The following RALYL variants were observed in gnomAD, a reference collection of about 807,000 sequenced individuals.
RALYL encodes RNA-binding Raly-like protein.
A neutral mutation model predicts 35.1 loss-of-function variants in RALYL; 29 were observed. The ratio of observed to expected loss-of-function variants is 0.83; its 90% CI spans 0.61 to 1.13. The LOEUF (loss-of-function observed/expected upper bound fraction) is 1.13, where lower values mean the gene tolerates loss of function less well. Among genes scored for constraint, RALYL ranks in the 50% most tolerant of loss-of-function variants. The pLI is 0.00. For missense variants in RALYL, 359 were observed against 360.4 expected, an observed-to-expected ratio of 1.00 and a Z score of 0.03; for synonymous variants, 120 against 127.6, an observed-to-expected ratio of 0.94 and a Z score of 0.40.
At chr8:84,721,743 T>C (rs1843954171) in intron 2 of RALYL, among the ~76,000 whole-genome samples, 1 of 152,146 alleles carries the variant, frequency 6.6e-6, no homozygotes, top group South Asian at 2.1e-4. Flanking sequence ...GTCCAGGACA[T>C]ACTGGCTGAA....
intron 2 of RALYL, 118 bp from the exon 3 acceptor site, chr8:84,774,461 A>G: frequency 3.0e-6 from 2 of 676,270 alleles, no homozygotes; most frequent in Non-Finnish European, 5.1e-6. Flanking sequence ...TGAATGAATC[A>G]ATGGTGTACA....
chr8:84,892,467 G>T (rs537116708), intron 8 of RALYL, among the ~76,000 whole-genome samples: 221 of 151,930 alleles, frequency 1.5e-3, no homozygotes, highest in African/African-American at 5.0e-3. Flanking sequence ...AAAATTAGCC[G>T]GGCATGGTAG....
intron 1 of RALYL, among the ~76,000 whole-genome samples, chr8:84,258,495 G>T (rs1252927100): frequency 1.3e-5 from 2 of 151,906 alleles, no homozygotes; most frequent in African/African-American, 4.8e-5. Flanking sequence ...TTTCTCACAA[G>T]TGGCTTCTAC....
intron 2 of RALYL, among the ~76,000 whole-genome samples, chr8:84,556,801 G>A (rs557333517): frequency 1.3e-5 from 2 of 152,204 alleles, no homozygotes; most frequent in South Asian, 4.1e-4. Flanking sequence ...TTTGGGAAGA[G>A]CTGCTCTTTC....
intron 4 of RALYL, among the ~76,000 whole-genome samples, chr8:84,845,046 C>A (rs1472811411): frequency 2.0e-5 from 3 of 151,958 alleles, no homozygotes; most frequent in African/African-American, 7.3e-5. Context: ...TGCAGCACAC[C>A]CACACGGCAC....
intron 2 of RALYL, among the ~76,000 whole-genome samples, chr8:84,656,625 A>G (rs772112906): frequency 5.3e-5 from 8 of 152,164 alleles, no homozygotes; most frequent in Non-Finnish European, 8.8e-5. Context: ...CACCTCTTCC[A>G]GGTCCAACAT....
intron 1 of RALYL, among the ~76,000 whole-genome samples, chr8:84,348,124 G>A (rs1850192410): frequency 6.6e-6 from 1 of 152,070 alleles, no homozygotes; most frequent in Non-Finnish European, 1.5e-5. Flanking sequence ...CTATTTGTTG[G>A]AGGAATATAC....
At chr8:84,568,589 T>C (rs1222807900) in intron 2 of RALYL, among the ~76,000 whole-genome samples, 1 of 141,632 alleles carries the variant, frequency 7.1e-6, no homozygotes, top group South Asian at 2.5e-4. Flanking sequence ...CTGGGTCAAA[T>C]GGTATTTCTA....
intron 8 of RALYL, among the ~76,000 whole-genome samples, chr8:84,914,346 A>C (rs1475271356): frequency 2.6e-5 from 4 of 152,058 alleles, no homozygotes; most frequent in African/African-American, 9.7e-5. Flanking sequence ...TAGACACTAC[A>C]TAATTAGTAT....
At chr8:84,583,077 T>C (rs1292482831) in intron 2 of RALYL, among the ~76,000 whole-genome samples, 3 of 152,118 alleles carry the variant, frequency 2.0e-5, no homozygotes, top group Admixed American at 2.0e-4. Flanking sequence ...GGATCTTTGA[T>C]TTCTTTGTCT....
intron 1 of RALYL, among the ~76,000 whole-genome samples, chr8:84,378,382 G>C (rs921773751): frequency 3.3e-5 from 5 of 151,834 alleles, no homozygotes; most frequent in African/African-American, 4.8e-5. Flanking sequence ...ATGTGCATTT[G>C]AGAGTTTAAT....
intron 1 of RALYL, among the ~76,000 whole-genome samples, chr8:84,353,480 G>A (rs187588282): frequency 1.3e-5 from 2 of 150,428 alleles, no homozygotes; most frequent in African/African-American, 2.5e-5. Context: ...ATGCAGCTTC[G>A]TAAAATTCAT....
chr8:84,831,610 CTA>C (rs1163129515), intron 4 of RALYL, among the ~76,000 whole-genome samples: 1 of 151,870 alleles, frequency 6.6e-6, no homozygotes, highest in African/African-American at 2.4e-5. Flanking sequence ...CTGAAAATGA[CTA>C]TGTAGAAAAA....
intron 2 of RALYL, among the ~76,000 whole-genome samples, chr8:84,537,527 A>G (rs2059697012): frequency 6.6e-6 from 1 of 151,692 alleles, no homozygotes; most frequent in Non-Finnish European, 1.5e-5. Flanking sequence ...CTTAAATGGT[A>G]TACAAATGAG....
Position 84,612,993 on chromosome 8 carries a change from G to A in RALYL, c.256+83416G>A, listed in dbSNP as rs146843033. On this transcript the variant is annotated intron_variant, in intron 2 of 8. Transcript: ENST00000521268. ...ATTATACTCACTCTTCCCTTTGAAGGTGGTTGCAAAGTGTGTTTTGTGATC... is the reference window on the plus strand; with the variant it reads ...ATTATACTCACTCTTCCCTTTGAAGATGGTTGCAAAGTGTGTTTTGTGATC... Among the ~76,000 whole-genome samples, 658 of 151,740 alleles carry A rather than the reference G, an allele frequency of 4.3e-3. 4 individuals are homozygous for A. The highest frequency in any genetic ancestry group is 0.014 in the South Asian group (66 of 4,824).
intron 2 of RALYL, among the ~76,000 whole-genome samples, chr8:84,730,599 C>T (rs1845976705): frequency 6.6e-6 from 1 of 152,076 alleles, no homozygotes; most frequent in Admixed American, 6.6e-5. Flanking sequence ...CAAATTGTCC[C>T]TGTTGGCAGA....
chr8:84,552,946 G>C (rs1437355384), intron 2 of RALYL, among the ~76,000 whole-genome samples: 1 of 151,954 alleles, frequency 6.6e-6, no homozygotes, highest in Non-Finnish European at 1.5e-5. Context: ...CCTGAGGTAG[G>C]GGTTGAATGG....
chr8:84,823,110 C>T (rs997735789), intron 4 of RALYL, among the ~76,000 whole-genome samples: 1 of 151,920 alleles, frequency 6.6e-6, no homozygotes, highest in African/African-American at 2.4e-5. Context: ...TATATGCTAT[C>T]GTTATAGCAT....
intron 4 of RALYL, among the ~76,000 whole-genome samples, chr8:84,840,621 A>T (rs531691009): frequency 6.0e-4 from 92 of 152,350 alleles, no homozygotes; most frequent in Admixed American, 5.2e-3. Flanking sequence ...AGAGAACGCC[A>T]CAAAGATGCT....
Sources: gnomAD v4.1 joint callset for allele counts (sites outside exome capture counted in the v4.1 genomes callset) on GRCh38, gnomAD v4.1.1 for gene constraint, MANE v1.5 for transcripts, NCBI Gene and HGNC (gene_info 2026-07-23, HGNC 2026-07-21) for gene names.